PREX2: variants seen among roughly 807,000 people sequenced by gnomAD.
The protein encoded by PREX2 is phosphatidylinositol 3,4,5-trisphosphate-dependent Rac exchanger 2 protein.
A neutral mutation model predicts 203.2 loss-of-function variants in PREX2; 107 were observed. The observed-to-expected ratio is 0.53, with a 90% CI of 0.45 to 0.62. The LOEUF (loss-of-function observed/expected upper bound fraction) is 0.62, where lower values mean the gene tolerates loss of function less well. Among genes scored for constraint, PREX2 ranks in the 20% least tolerant of loss-of-function variants. The pLI is 0.00. For synonymous variants in PREX2, 672 were observed against 663.6 expected, an observed-to-expected ratio of 1.01 and a Z score of -0.19; for missense variants, 1,777 against 1,955.9, an observed-to-expected ratio of 0.91 and a Z score of 1.72.
At position 68,069,842 on chromosome 8, in the gene PREX2, G is replaced by A. The variant is rs866381944; in HGVS notation, c.1451G>A (p.Arg484Lys). 6.5e-7 allele frequency: 1 copy of A among 1,536,612 alleles called. No individual in the cohort carries two copies. Reference protein sequence around the residue: ...EMQDVISKGVRLYCRLHSLFT... With the variant: ...EMQDVISKGVKLYCRLHSLFT... Reference sequence around the variant, plus strand: ...TATCTCTATTTTACGTAGGGTGTAAGATTATATTGTCGTCTTCATAGCCTT... The same window carrying A: ...TATCTCTATTTTACGTAGGGTGTAAAATTATATTGTCGTCTTCATAGCCTT... The change falls in exon 13 of 40, where the codon AGA becomes AAA. Residue 484 changes from arginine to lysine, a missense_variant. By Grantham distance (26) the Arg-to-Lys change is conservative. Coordinates refer to ENST00000288368, the MANE Select transcript of PREX2 (RefSeq NM_024870.4).
chr8:68,232,860 C>G lies in PREX2; in HGVS notation c.*1482C>G, dbSNP rs1813193549. 1 of 152,194 alleles carries G rather than the reference C, an allele frequency of 6.6e-6. No homozygotes were observed. Among genetic ancestry groups the G allele is most frequent in the South Asian group, 2.1e-4 (1 of 4,828 alleles). The allele number at this position is 152,194 out of a possible 1,614,324, so 9.4% of individuals were successfully genotyped here. ...CTTGAACTCCTGACATCAAGTGATC[C>G]ACCCACCTCAGCCTCCCAAAGTGCT... On this transcript the variant is annotated 3_prime_UTR_variant, in exon 40 of 40. Transcript: ENST00000288368.
At chr8:67,968,837 T>C (rs2129018626) in intron 1 of PREX2, among the ~76,000 whole-genome samples, 1 of 152,294 alleles carries the variant, frequency 6.6e-6, no homozygotes, top group South Asian at 2.1e-4. Context: ...CTTAACCTAA[T>C]AGCCGTTGTA....
chr8:68,193,438 G>A (rs892819302), intron 37 of PREX2, among the ~76,000 whole-genome samples: 1 of 152,146 alleles, frequency 6.6e-6, no homozygotes, highest in Non-Finnish European at 1.5e-5. Context: ...CATTAGGTCG[G>A]TTTGATTTTG....
chr8:68,075,422 A>C (rs1468702593), intron 14 of PREX2, among the ~76,000 whole-genome samples: 1 of 152,170 alleles, frequency 6.6e-6, no homozygotes, highest in Non-Finnish European at 1.5e-5. Flanking sequence ...GATGTTGGTC[A>C]ATTGGGCTAA....
chr8:68,175,951 C>T (rs1811971466), intron 35 of PREX2, among the ~76,000 whole-genome samples: 1 of 151,960 alleles, frequency 6.6e-6, no homozygotes, highest in African/African-American at 2.4e-5. Flanking sequence ...ACATTTCAGT[C>T]AAGCAGAATT....
intron 4 of PREX2, among the ~76,000 whole-genome samples, chr8:68,022,535 A>G (rs1298576488): frequency 6.6e-6 from 1 of 152,178 alleles, no homozygotes; most frequent in African/African-American, 2.4e-5. Flanking sequence ...GTAAAATTTA[A>G]CATTTCTCCT....
At chr8:68,152,865 C>T (rs998903964) in intron 34 of PREX2, among the ~76,000 whole-genome samples, 2 of 152,134 alleles carry the variant, frequency 1.3e-5, no homozygotes, top group Admixed American at 6.5e-5. Context: ...TTATGGATCT[C>T]CACAGGAGTG....
At chr8:68,089,789 T>C (rs1373458253) in intron 19 of PREX2, among the ~76,000 whole-genome samples, 1 of 152,366 alleles carries the variant, frequency 6.6e-6, no homozygotes, top group East Asian at 1.9e-4. Flanking sequence ...TCCTCTAATA[T>C]ATTTACAAGT....
rs1408547915 is a variant in PREX2, at chr8:67,952,432, G to A, written c.38G>A (p.Ser13Asn). 3.2e-6 allele frequency: 5 copies of A among 1,583,450 alleles called. No homozygotes were observed. The African/African-American group carries it at 6.8e-5, about 21-fold the overall frequency. Reference protein sequence around the residue: ...EDSRGDSRAESAKDLEKQLRL... With the variant: ...EDSRGDSRAENAKDLEKQLRL... ...AGCCGCGGAGACAGCCGCGCCGAGA[G>A]CGCCAAGGACCTGGAGAAGCAGCTT... The change falls in exon 1 of 40, where the codon AGC becomes AAC. Residue 13 changes from serine to asparagine, a missense_variant. By Grantham distance (46) the Ser-to-Asn change is conservative. Coordinates refer to ENST00000288368, the MANE Select transcript of PREX2 (RefSeq NM_024870.4).
At position 68,055,974 on chromosome 8, in the gene PREX2, G is replaced by A; in HGVS notation, c.1238G>A (p.Ser413Asn). ...LTTFPKCFLG[S>N]EFVSWLLEIG... Reference sequence around the variant, plus strand: ...ACGTTCCCTAAATGCTTTCTTGGAAGGTAGGGTTGGGAGTTTGGGTGCATG... The same window carrying A: ...ACGTTCCCTAAATGCTTTCTTGGAAAGTAGGGTTGGGAGTTTGGGTGCATG... The change falls in exon 10 of 40, where the codon AGC becomes AAC. Residue 413 changes from serine to asparagine, a missense_variant and splice_region_variant. By Grantham distance (46) the Ser-to-Asn change is conservative. Transcript: ENST00000288368. 1 of 1,609,160 alleles carries A rather than the reference G, an allele frequency of 6.2e-7. No individual in the cohort carries two copies. The highest frequency in any genetic ancestry group is 8.5e-7 in the Non-Finnish European group (1 of 1,178,516).
chr8:67,992,103 T>A (rs7016052), intron 1 of PREX2, among the ~76,000 whole-genome samples: 73,173 of 151,826 alleles, frequency 0.48, 17,980 homozygotes, highest in South Asian at 0.61. Context: ...GGTCTTTCCC[T>A]TGGACAGTCC....
intron 35 of PREX2, among the ~76,000 whole-genome samples, chr8:68,173,600 T>C (rs886820778): frequency 7.9e-5 from 12 of 152,212 alleles, no homozygotes; most frequent in African/African-American, 2.9e-4. Context: ...ATATCTATTT[T>C]ACTTTCATGT....
intron 1 of PREX2, among the ~76,000 whole-genome samples, chr8:68,010,458 A>G (rs961268961): frequency 1.3e-5 from 2 of 152,238 alleles, no homozygotes; most frequent in African/African-American, 4.8e-5. Flanking sequence ...TCATAACCAC[A>G]GTAGAAGTAA....
In PREX2 at chr8:68,233,937, T is replaced by A. The variant is rs115253260; in HGVS notation, c.*2559T>A. On this transcript the variant is annotated 3_prime_UTR_variant, in exon 40 of 40. Coordinates refer to ENST00000288368, the MANE Select transcript of PREX2 (RefSeq NM_024870.4). ...TGTGTTGTCATTAAATTATACATCT[T>A]GTATTAAAAAACGGTGAATGGAAAT... is the stretch of plus-strand genomic sequence containing the variant. The A allele has an allele frequency of 2.6e-5, 4 of 152,190 alleles. No individual in the cohort carries two copies. The highest frequency in any genetic ancestry group is 4.4e-5 in the Non-Finnish European group (3 of 68,034). 9.4% of individuals were successfully genotyped at this position (152,190 alleles called of 1,614,324 possible). A position where few individuals can be genotyped will look rare whatever the true frequency, so the allele number is the denominator to read the frequency against.
chr8:67,961,205 T>C (rs1239800316), intron 1 of PREX2, among the ~76,000 whole-genome samples: 2 of 152,062 alleles, frequency 1.3e-5, no homozygotes, highest in Non-Finnish European at 2.9e-5. Flanking sequence ...CAAATAAAAT[T>C]ATTATGTCTG....
At chr8:68,157,512 A>G (rs981394672) in intron 35 of PREX2, 76 bp downstream of exon 35, 3 of 649,298 alleles carry the variant, frequency 4.6e-6, no homozygotes, top group Non-Finnish European at 8.0e-6. Flanking sequence ...TTTTGATGCT[A>G]TTTATCATAT....
chr8:67,985,839 C>T (rs1311810770), intron 1 of PREX2, among the ~76,000 whole-genome samples: 11 of 152,186 alleles, frequency 7.2e-5, no homozygotes. Context: ...TGGGGCTGCT[C>T]CATCCATGCA....
chr8:67,970,545 A>G (rs1218267488), intron 1 of PREX2, among the ~76,000 whole-genome samples: 1 of 152,158 alleles, frequency 6.6e-6, no homozygotes, highest in Admixed American at 6.5e-5. Context: ...ACAACCTCCT[A>G]CAGAGATTCT....
chr8:68,147,959 A>G (rs1226252994), intron 34 of PREX2, among the ~76,000 whole-genome samples: 1 of 152,166 alleles, frequency 6.6e-6, no homozygotes, highest in Non-Finnish European at 1.5e-5. Flanking sequence ...AATCTAAAAT[A>G]TGTTGGGCTA....
Sources: allele counts gnomAD v4.1 joint callset (sites outside exome capture counted in the v4.1 genomes callset), GRCh38; gene constraint gnomAD v4.1.1; transcripts MANE v1.5; gene names NCBI Gene and HGNC (gene_info 2026-07-23, HGNC 2026-07-21).